Variants in TMEM182 observed in about 807,000 individuals in gnomAD.
TMEM182 encodes transmembrane protein 182.
Under a neutral mutation model 26.8 loss-of-function variants are expected in TMEM182, and 20 were observed. That is an observed-to-expected ratio of 0.75 (90% CI 0.53 to 1.09). The LOEUF (loss-of-function observed/expected upper bound fraction) is 1.09, where lower values mean the gene tolerates loss of function less well. Ranked by LOEUF, TMEM182 falls within the 50% of genes least tolerant of loss-of-function variation. The probability of loss-of-function intolerance (pLI) is 0.00; values close to 1 mark genes in which losing one functional copy is unlikely to be tolerated. For synonymous variants in TMEM182, 109 were observed against 102.2 expected (o/e 1.07, Z -0.40); for missense variants, 277 against 275.5 (o/e 1.01, Z -0.04).
At chr2:102,822,666 G>A (rs1682948371), downstream of TMEM182, among the ~76,000 whole-genome samples, 1 of 152,128 alleles carries the variant, frequency 6.6e-6, no homozygotes, top group South Asian at 2.1e-4. Context: ...AGGGAATGTG[G>A]GATCAAAATA....
intron 1 of TMEM182, among the ~76,000 whole-genome samples, chr2:102,756,027 G>C (rs1286674534): frequency 6.6e-6 from 1 of 152,150 alleles, no homozygotes; most frequent in African/African-American, 2.4e-5. Context: ...CTAATGAAGA[G>C]GTCATCAGGT....
intron 3 of TMEM182, among the ~76,000 whole-genome samples, chr2:102,779,087 G>A (rs1015514482): frequency 1.3e-5 from 2 of 151,920 alleles, no homozygotes; most frequent in African/African-American, 4.8e-5. Context: ...ATATTTTTTG[G>A]TAGGTATAAA....
chr2:102,829,417 G>A (rs528303418), intron 3 of TMEM182, among the ~76,000 whole-genome samples: 1 of 152,322 alleles, frequency 6.6e-6, no homozygotes, highest in South Asian at 2.1e-4. Flanking sequence ...AGAAAGGTGG[G>A]TTGGGCAGTC....
chr2:102,814,810 G>C lies in TMEM182; in HGVS notation c.532G>C (p.Glu178Gln). The stretch of plus-strand genomic sequence containing the variant: ...CTGGGTCCAGGCAGTGGCTGACATG[G>C]AAAGCTACCGAAACATGAAAATGAA... Reference protein sequence around the residue: ...VIWVQAVADMESYRNMKMKDC... With the variant: ...VIWVQAVADMQSYRNMKMKDC... The change falls in exon 5 of 5, where the codon GAA becomes CAA. Residue 178 changes from glutamate (E) to glutamine (Q), a missense_variant. Coordinates refer to ENST00000412401, the MANE Select transcript of TMEM182 (RefSeq NM_144632.5). The C allele has an allele frequency of 6.2e-7, 1 of 1,613,814 alleles. No homozygotes were observed. The highest frequency in any genetic ancestry group is 8.5e-7 in the Non-Finnish European group (1 of 1,179,926).
At chr2:102,788,090 C>G (rs892006815) in intron 3 of TMEM182, among the ~76,000 whole-genome samples, 2 of 152,076 alleles carry the variant, frequency 1.3e-5, no homozygotes, top group Non-Finnish European at 2.9e-5. Flanking sequence ...ACAAGGGTGG[C>G]GGTGGAGAAT....
At chr2:102,752,634 C>T (rs1475795023) in intron 1 of TMEM182, among the ~76,000 whole-genome samples, 1 of 152,222 alleles carries the variant, frequency 6.6e-6, no homozygotes, top group Non-Finnish European at 1.5e-5. Flanking sequence ...TTGCATTTCA[C>T]TCTCTTTCTC....
intron 1 of TMEM182, among the ~76,000 whole-genome samples, chr2:102,756,897 T>G (rs1362761898): frequency 6.6e-6 from 1 of 151,918 alleles, no homozygotes; most frequent in Non-Finnish European, 1.5e-5. Flanking sequence ...CACTGCAACC[T>G]CCACCTCCGG....
intron 3 of TMEM182, among the ~76,000 whole-genome samples, chr2:102,796,645 T>C (rs1243380254): frequency 2.6e-5 from 4 of 152,232 alleles, no homozygotes; most frequent in Non-Finnish European, 5.9e-5. Context: ...CTGCAGAATA[T>C]TGTCTAACAC....
At position 102,816,914 on chromosome 2, in the gene TMEM182, G is replaced by A. The variant is rs546623969; in HGVS notation, c.*1946G>A. 1,033 of 985,588 alleles carry A rather than the reference G, an allele frequency of 1.0e-3. No homozygotes were observed. Among genetic ancestry groups the A allele is most frequent in the Non-Finnish European group, 1.2e-3 (990 of 829,828 alleles). The allele number at this position is 985,588 out of a possible 1,614,324, so 61.1% of individuals were successfully genotyped here. A position where few individuals can be genotyped will look rare whatever the true frequency, so the allele number is the denominator to read the frequency against. Reference sequence around the variant, plus strand: ...AAGGCTTGAATATTTATAAATTTCAGATGGTTATCCTCACTTTATAGTACA... The same window carrying A: ...AAGGCTTGAATATTTATAAATTTCAAATGGTTATCCTCACTTTATAGTACA... On this transcript the variant is annotated 3_prime_UTR_variant, in exon 5 of 5. Coordinates refer to ENST00000412401, the MANE Select transcript of TMEM182 (RefSeq NM_144632.5).
rs778198805 is a variant in TMEM182, at chr2:102,764,393, C to G, written c.297C>G (p.Gly99=). 2 of 1,613,882 alleles carry G rather than the reference C, an allele frequency of 1.2e-6. No homozygotes were observed. The highest frequency in any genetic ancestry group is 8.5e-7 in the Non-Finnish European group (1 of 1,179,876). Residue 99 remains glycine (G), a synonymous_variant, in exon 3 of 5, where the codon GGC becomes GGG. Coordinates refer to ENST00000412401, the MANE Select transcript of TMEM182 (RefSeq NM_144632.5). ...TGTCTCCGTACCCCTTCATGAGAGG[C>G]GAGCACAACTCGACCTCCTATGACT... ...AYLSPYPFMR[G]EHNSTSYDSA...
chr2:102,802,987 A>G (rs1363909396), intron 4 of TMEM182, among the ~76,000 whole-genome samples: 4 of 152,234 alleles, frequency 2.6e-5, no homozygotes, highest in Admixed American at 1.3e-4. Flanking sequence ...CAGAGCTCTG[A>G]ACCTTGGACT....
At chr2:102,771,149 T>C (rs1005256242) in intron 3 of TMEM182, among the ~76,000 whole-genome samples, 11 of 152,212 alleles carry the variant, frequency 7.2e-5, no homozygotes, top group African/African-American at 2.4e-4. Context: ...GAAAAAACTA[T>C]GCACCACAAA....
At chr2:102,776,309 G>A (rs1573519977) in intron 3 of TMEM182, among the ~76,000 whole-genome samples, 4 of 151,968 alleles carry the variant, frequency 2.6e-5, no homozygotes, top group African/African-American at 9.7e-5. Flanking sequence ...AAAAATCCTC[G>A]GTGTACTGTT....
intron 3 of TMEM182, among the ~76,000 whole-genome samples, chr2:102,779,767 C>T (rs139613328): frequency 4.6e-5 from 7 of 151,444 alleles, no homozygotes; most frequent in African/African-American, 7.3e-5. Context: ...GAGGCCAAGG[C>T]GGGTGGATCA....
intron 3 of TMEM182, among the ~76,000 whole-genome samples, chr2:102,829,669 G>C (rs533349406): frequency 6.6e-6 from 1 of 152,280 alleles, no homozygotes; most frequent in Non-Finnish European, 1.5e-5. Flanking sequence ...CCCACACAGA[G>C]AGTATAGAGG....
At chr2:102,810,522 G>A (rs918734505) in intron 4 of TMEM182, among the ~76,000 whole-genome samples, 7 of 152,020 alleles carry the variant, frequency 4.6e-5, no homozygotes, top group Non-Finnish European at 8.8e-5. Context: ...TGAATTCACG[G>A]CATTTAAAGG....
chr2:102,777,962 T>A (rs35619048), intron 3 of TMEM182, among the ~76,000 whole-genome samples: 3,292 of 152,096 alleles, frequency 0.022, 78 homozygotes, highest in Non-Finnish European at 0.024. Flanking sequence ...CCTTGGTACT[T>A]GAAAAGAATG....
intron 2 of TMEM182, among the ~76,000 whole-genome samples, chr2:102,763,374 G>A (rs879433106): frequency 1.1e-4 from 17 of 151,954 alleles, no homozygotes; most frequent in Admixed American, 6.6e-4. Flanking sequence ...AATAGCTAGC[G>A]CTTATTTCAT....
chr2:102,811,313 A>G (rs1025338774), intron 4 of TMEM182, among the ~76,000 whole-genome samples: 1 of 152,162 alleles, frequency 6.6e-6, no homozygotes, highest in Non-Finnish European at 1.5e-5. Context: ...ACTGCATCCC[A>G]TCAAGTGATG....
Sources: gnomAD v4.1 joint callset for allele counts (sites outside exome capture counted in the v4.1 genomes callset) on GRCh38, gnomAD v4.1.1 for gene constraint, MANE v1.5 for transcripts, NCBI Gene and HGNC (gene_info 2026-07-23, HGNC 2026-07-21) for gene names.